Variants in CTNNA2 observed in about 807,000 individuals in gnomAD.
CTNNA2 encodes catenin alpha-2.
In CTNNA2, 42 loss-of-function variants were observed where a neutral mutation model predicts 101.0. The ratio of observed to expected loss-of-function variants is 0.42; its 90% CI spans 0.32 to 0.54. CTNNA2 has a LOEUF of 0.54. CTNNA2 is among the 20% of genes least tolerant of loss of function. CTNNA2 has a pLI of 0.14. For synonymous variants in CTNNA2, 450 were observed against 456.4 expected, an observed-to-expected ratio of 0.99 and a Z score of 0.18; for missense variants, 871 against 1,223.1, an observed-to-expected ratio of 0.71 and a Z score of 4.29.
rs905343673 is a variant in CTNNA2, at chr2:79,424,244, A to T, written c.-135+50231A>T. 4.6e-5 allele frequency among the ~76,000 whole-genome samples: 7 copies of T among 152,264 alleles called. No homozygotes were observed. In the East Asian group the frequency reaches 1.4e-3, roughly 30 times the overall value. On this transcript the variant is annotated intron_variant, in intron 4 of 21. Coordinates refer to the CTNNA2 transcript ENST00000466387. Reference sequence around the variant, plus strand: ...CCTACGATATATTCTGGTTTTATCTACTAGAGATGTCCAAAATAAGTTTAT... The same window carrying T: ...CCTACGATATATTCTGGTTTTATCTTCTAGAGATGTCCAAAATAAGTTTAT...
chr2:79,795,316 CTAAT>C (rs1019670232), intron 3 of CTNNA2, among the ~76,000 whole-genome samples: 4 of 151,904 alleles, frequency 2.6e-5, no homozygotes, highest in Admixed American at 6.6e-5. Context: ...TGTGTTGAGA[CTAAT>C]TGTCTTAAAA....
intron 9 of CTNNA2, among the ~76,000 whole-genome samples, chr2:80,504,393 C>A (rs1266514789): frequency 2.0e-5 from 3 of 152,152 alleles, no homozygotes. Context: ...AGGCTGGGCT[C>A]TCCCAGGATC....
intron 2 of CTNNA2, among the ~76,000 whole-genome samples, chr2:79,740,905 T>C (rs116315854): frequency 0.011 from 1,611 of 151,870 alleles, 18 homozygotes; most frequent in South Asian, 0.021. Context: ...AGAACTGAAG[T>C]AGATGAATAT....
chr2:79,987,430 A>G (rs1691846934), intron 7 of CTNNA2, among the ~76,000 whole-genome samples: 1 of 152,160 alleles, frequency 6.6e-6, no homozygotes, highest in Non-Finnish European at 1.5e-5. Context: ...CCTCCTAACG[A>G]GCTAGGTGAC....
At chr2:80,153,185 T>C (rs1449169389) in intron 7 of CTNNA2, among the ~76,000 whole-genome samples, 1 of 152,150 alleles carries the variant, frequency 6.6e-6, no homozygotes, top group African/African-American at 2.4e-5. Flanking sequence ...TCAGTGTCCA[T>C]GCTAAGGGTG....
chr2:80,601,947 G>A (rs766711393), intron 15 of CTNNA2: 1 of 151,980 alleles, frequency 6.6e-6, no homozygotes, highest in Non-Finnish European at 1.5e-5. Flanking sequence ...TAGAAAAAAA[G>A]TGTACTAAAT....
At chr2:80,380,227 G>A (rs1266605029) in intron 7 of CTNNA2, among the ~76,000 whole-genome samples, 3 of 151,822 alleles carry the variant, frequency 2.0e-5, no homozygotes, top group African/African-American at 7.3e-5. Flanking sequence ...TGGTAGAGAC[G>A]GGGTTTCACC....
chr2:79,851,736 C>T (rs1426804630), intron 3 of CTNNA2, among the ~76,000 whole-genome samples: 10 of 99,510 alleles, frequency 1.0e-4, no homozygotes, highest in South Asian at 3.0e-4. Flanking sequence ...TTTTTCTTTT[C>T]CTTTTTTTTT....
chr2:79,255,562 G>A (rs934516), intron 2 of CTNNA2, among the ~76,000 whole-genome samples: 85,854 of 151,596 alleles, frequency 0.57, 24,890 homozygotes, highest in East Asian at 0.65. Flanking sequence ...GGATAGTATC[G>A]TAGCTGGAGA....
chr2:79,709,167 G>T (rs776841239), intron 2 of CTNNA2, among the ~76,000 whole-genome samples: 35 of 152,066 alleles, frequency 2.3e-4, no homozygotes, highest in Middle Eastern at 3.2e-3. Flanking sequence ...GAATCGAGAA[G>T]GTTTTGACCC....
chr2:79,399,266 C>T (rs1429863807), intron 4 of CTNNA2, among the ~76,000 whole-genome samples: 2 of 152,018 alleles, frequency 1.3e-5, no homozygotes, highest in Non-Finnish European at 2.9e-5. Context: ...GGAAACTTTG[C>T]AAAGCTTTCA....
chr2:80,582,186 C>T (rs1447170220), intron 14 of CTNNA2, among the ~76,000 whole-genome samples: 1 of 152,134 alleles, frequency 6.6e-6, no homozygotes, highest in Non-Finnish European at 1.5e-5. Flanking sequence ...TTCCTGAAGT[C>T]TCCAAGCTTG....
At chr2:80,342,362 G>T (rs866680752) in intron 7 of CTNNA2, among the ~76,000 whole-genome samples, 15 of 152,162 alleles carry the variant, frequency 9.9e-5, no homozygotes, top group African/African-American at 3.6e-4. Context: ...TCCAAGCACT[G>T]CAATTCTCAT....
At chr2:79,373,573 A>G (rs942356370) in intron 3 of CTNNA2, among the ~76,000 whole-genome samples, 16 of 152,168 alleles carry the variant, frequency 1.1e-4, no homozygotes, top group Non-Finnish European at 2.9e-5. Context: ...GACTACAAAC[A>G]GGGATAAAAA....
intron 6 of CTNNA2, among the ~76,000 whole-genome samples, chr2:79,879,907 G>A (rs1683297994): frequency 6.6e-6 from 1 of 152,136 alleles, no homozygotes. Context: ...GGTTTCCAAA[G>A]GGAATGCTTC....
At chr2:80,225,635 A>G (rs115434514) in intron 7 of CTNNA2, among the ~76,000 whole-genome samples, 15 of 152,326 alleles carry the variant, frequency 9.8e-5, no homozygotes, top group African/African-American at 3.1e-4. Context: ...GAAAACAGCT[A>G]TGTATATAGA....
intron 2 of CTNNA2, among the ~76,000 whole-genome samples, chr2:79,309,682 T>C (rs1053857860): frequency 6.6e-6 from 1 of 152,170 alleles, no homozygotes; most frequent in Non-Finnish European, 1.5e-5. Context: ...AATTAGGAGA[T>C]TGGCTATCTC....
At chr2:79,296,258 A>T (rs1053077929) in intron 2 of CTNNA2, among the ~76,000 whole-genome samples, 2 of 152,178 alleles carry the variant, frequency 1.3e-5, no homozygotes, top group Non-Finnish European at 2.9e-5. Context: ...AGAATGGAGA[A>T]TGCCAAATTA....
intron 7 of CTNNA2, among the ~76,000 whole-genome samples, chr2:80,116,228 G>C (rs536443435): frequency 2.0e-5 from 3 of 152,126 alleles, no homozygotes; most frequent in Non-Finnish European, 4.4e-5. Flanking sequence ...AACAAAAACA[G>C]GTTGTGGGAT....
Sources: gnomAD v4.1 joint callset for allele counts (sites outside exome capture counted in the v4.1 genomes callset) on GRCh38, gnomAD v4.1.1 for gene constraint, MANE v1.5 for transcripts, NCBI Gene and HGNC (gene_info 2026-07-23, HGNC 2026-07-21) for gene names.